Variants in ZNRF1 observed in about 807,000 individuals in gnomAD.
The protein encoded by ZNRF1 is zinc and ring finger 1.
A neutral mutation model predicts 18.4 loss-of-function variants in ZNRF1; 3 were observed. The observed-to-expected ratio is 0.16, with a 90% CI of 0.07 to 0.42. The LOEUF is 0.42. ZNRF1 is among the 10% of genes least tolerant of loss of function. The pLI is 0.99. For synonymous variants in ZNRF1, 157 were observed against 144.2 expected (o/e 1.09, Z -0.64); for missense variants, 310 against 329.8 (o/e 0.94, Z 0.47).
At chr16:75,054,142 A>C (rs1315537532) in intron 1 of ZNRF1, among the ~76,000 whole-genome samples, 1 of 152,226 alleles carries the variant, frequency 6.6e-6, no homozygotes, top group East Asian at 1.9e-4. Flanking sequence ...TGAAAAAGGC[A>C]GAAGCCCATG....
intron 1 of ZNRF1, among the ~76,000 whole-genome samples, chr16:75,003,960 T>A (rs1464684979): frequency 2.4e-5 from 1 of 42,280 alleles, no homozygotes; most frequent in South Asian, 4.7e-4. Context: ...TCGCCTCAGA[T>A]TTTTTTTTTT....
chr16:75,105,167 T>A, intron 3 of ZNRF1: 7 of 364,026 alleles, frequency 1.9e-5, no homozygotes, highest in South Asian at 1.9e-4. Context: ...GCCTCACAGG[T>A]TGGAGGAGCT....
At chr16:75,020,288 A>G (rs993437355) in intron 1 of ZNRF1, among the ~76,000 whole-genome samples, 1 of 151,824 alleles carries the variant, frequency 6.6e-6, no homozygotes, top group African/African-American at 2.4e-5. Context: ...TCTATGTCCT[A>G]ATGTCTTAGG....
intron 1 of ZNRF1, among the ~76,000 whole-genome samples, chr16:75,029,910 T>G (rs753144442): frequency 6.6e-6 from 1 of 151,620 alleles, no homozygotes; most frequent in African/African-American, 2.4e-5. Flanking sequence ...AAAAAAAAAT[T>G]AGCCAGGTGT....
At chr16:75,033,738 A>G (rs573446562) in intron 1 of ZNRF1, among the ~76,000 whole-genome samples, 41 of 152,284 alleles carry the variant, frequency 2.7e-4, no homozygotes, top group Middle Eastern at 3.4e-3. Flanking sequence ...TGCTTGGCCT[A>G]TAGTTTTAGA....
At chr16:75,086,449 C>T (rs1490334294) in intron 1 of ZNRF1, among the ~76,000 whole-genome samples, 4 of 152,180 alleles carry the variant, frequency 2.6e-5, no homozygotes, top group Non-Finnish European at 5.9e-5. Context: ...CTGGGCCTTT[C>T]CCAGTCAAGG....
At position 75,024,726 on chromosome 16, in the gene ZNRF1, G is replaced by GC. The variant is rs201908856; in HGVS notation, c.424+24632dup. The stretch of plus-strand genomic sequence containing the variant: ...CTGAACTCGCACATGCTGTGCAGAA[G>GC]CAGAAGACAACAGACCTTTGTGGTT... On this transcript the variant is annotated intron_variant, in intron 1 of 4. Coordinates refer to ENST00000335325, the MANE Select transcript of ZNRF1 (RefSeq NM_032268.5). Among the ~76,000 whole-genome samples, 605 of 152,362 alleles carry GC rather than the reference G, an allele frequency of 4.0e-3. 11 individuals carry two copies. In the East Asian group the frequency reaches 0.057, roughly 14 times the overall value.
rs1484523948 is a variant in ZNRF1, at chr16:74,999,826, G to A, written c.155G>A (p.Ser52Asn). Residue 52 changes from serine to asparagine, a missense_variant, in exon 1 of 5, where the codon AGC becomes AAC. Ser to Asn is a conservative substitution (Grantham distance 46). Transcript: ENST00000335325. ...ATGGGGCTGCGCAGCCGCTCGGTCA[G>A]CTCGGTGGCAGGCATGGGCATGGAC... ...GAMGLRSRSV[S>N]SVAGMGMDPS... 1.4e-6 allele frequency: 2 copies of A among 1,461,448 alleles called. No homozygotes were observed. The highest frequency in any genetic ancestry group is 2.8e-5 in the South Asian group (2 of 72,598). 90.5% of individuals were successfully genotyped at this position (1,461,448 alleles called of 1,614,324 possible). A position where few individuals can be genotyped will look rare whatever the true frequency, so the allele number is the denominator to read the frequency against.
intron 1 of ZNRF1, among the ~76,000 whole-genome samples, chr16:75,048,643 T>TA (rs1350622508): frequency 6.6e-6 from 1 of 152,184 alleles, no homozygotes; most frequent in African/African-American, 2.4e-5. Context: ...ATAGAACCAT[T>TA]AGGGCCTGCC....
At chr16:75,010,071 C>T (rs1023385672) in intron 1 of ZNRF1, among the ~76,000 whole-genome samples, 3 of 152,058 alleles carry the variant, frequency 2.0e-5, no homozygotes, top group African/African-American at 4.8e-5. Context: ...CAACCTCTGC[C>T]CCCCGGGTTC....
intron 1 of ZNRF1, among the ~76,000 whole-genome samples, chr16:75,022,809 G>C (rs2035171584): frequency 6.6e-6 from 1 of 152,184 alleles, no homozygotes; most frequent in African/African-American, 2.4e-5. Flanking sequence ...GAGAGAATCG[G>C]TAAATGTGTA....
chr16:75,041,417 C>T (rs954760578), intron 1 of ZNRF1, among the ~76,000 whole-genome samples: 3 of 152,214 alleles, frequency 2.0e-5, no homozygotes, highest in East Asian at 3.9e-4. Flanking sequence ...GCAGCCTCTG[C>T]CTCCTGGGTT....
At chr16:75,048,002 C>T (rs1357000082) in intron 1 of ZNRF1, among the ~76,000 whole-genome samples, 1 of 151,414 alleles carries the variant, frequency 6.6e-6, no homozygotes, top group Non-Finnish European at 1.5e-5. Flanking sequence ...CCTAGGTTAG[C>T]ATGCAGTGGT....
chr16:75,096,355 G>A (rs893447300), intron 2 of ZNRF1, among the ~76,000 whole-genome samples: 7 of 152,178 alleles, frequency 4.6e-5, no homozygotes, highest in African/African-American at 1.7e-4. Flanking sequence ...TTCCGGGGGT[G>A]TATGTGGAGT....
intron 1 of ZNRF1, among the ~76,000 whole-genome samples, chr16:75,082,436 T>C (rs559721894): frequency 6.6e-6 from 1 of 152,324 alleles, no homozygotes; most frequent in East Asian, 1.9e-4. Context: ...GGACTTACTG[T>C]ACAGCAGGGT....
At chr16:75,041,155 G>A (rs1040056591) in intron 1 of ZNRF1, among the ~76,000 whole-genome samples, 2 of 152,042 alleles carry the variant, frequency 1.3e-5, no homozygotes, top group African/African-American at 4.8e-5. Context: ...GTGTTTAAAC[G>A]TTTGAGAAAC....
At chr16:75,022,089 C>A (rs2035158230) in intron 1 of ZNRF1, among the ~76,000 whole-genome samples, 1 of 152,138 alleles carries the variant, frequency 6.6e-6, no homozygotes, top group African/African-American at 2.4e-5. Flanking sequence ...CCGTCTCGCT[C>A]TGTTGCTCAC....
intron 1 of ZNRF1, among the ~76,000 whole-genome samples, chr16:75,010,096 C>T (rs2034974300): frequency 6.6e-6 from 1 of 152,136 alleles, no homozygotes; most frequent in Admixed American, 6.5e-5. Context: ...GATTCTCCTG[C>T]CTCAGCCTCC....
At position 75,004,416 on chromosome 16, in the gene ZNRF1, A is replaced by C. The variant is rs1363985030; in HGVS notation, c.424+4321A>C. On this transcript the variant is annotated intron_variant, in intron 1 of 4. Transcript: ENST00000335325. ...ATGGATTTCTAAATGTGGGGTACAA[A>C]ACATGCACCATCCACCATGTTGAAA... Among the ~76,000 whole-genome samples the C allele has an allele frequency of 2.0e-5, 3 of 152,106 alleles. No homozygotes were observed. The South Asian group carries it at 6.2e-4, about 32-fold the overall frequency.
Sources: allele counts gnomAD v4.1 joint callset (sites outside exome capture counted in the v4.1 genomes callset), GRCh38; gene constraint gnomAD v4.1.1; transcripts MANE v1.5; gene names NCBI Gene and HGNC (gene_info 2026-07-23, HGNC 2026-07-21).